GRID2: variants seen among roughly 807,000 people sequenced by gnomAD.
The protein encoded by GRID2 is glutamate receptor ionotropic, delta-2.
In GRID2, 33 loss-of-function variants were observed where a neutral mutation model predicts 114.8. The observed-to-expected ratio is 0.29, with a 90% CI of 0.22 to 0.38. The LOEUF (loss-of-function observed/expected upper bound fraction) is 0.38, where lower values mean the gene tolerates loss of function less well. Ranked by LOEUF, GRID2 falls within the 10% of genes least tolerant of loss-of-function variation. The pLI is 1.00. For missense variants in GRID2, 1,184 were observed against 1,257.7 expected, an observed-to-expected ratio of 0.94 and a Z score of 0.89; for synonymous variants, 505 against 449.9, an observed-to-expected ratio of 1.12 and a Z score of -1.55.
At chr4:93,155,315 A>G (rs919183749) in intron 4 of GRID2, among the ~76,000 whole-genome samples, 1 of 151,920 alleles carries the variant, frequency 6.6e-6, no homozygotes, top group East Asian at 1.9e-4. Flanking sequence ...ATGCCTCTGC[A>G]TATTCTATTG....
intron 8 of GRID2, among the ~76,000 whole-genome samples, chr4:93,315,944 A>T (rs4235046): frequency 0.45 from 68,533 of 151,846 alleles, 15,700 homozygotes; most frequent in East Asian, 0.61. Flanking sequence ...GAATTTATCA[A>T]ATTACCTAAT....
chr4:93,004,013 T>A (rs560220118), intron 2 of GRID2, among the ~76,000 whole-genome samples: 2 of 151,946 alleles, frequency 1.3e-5, no homozygotes, highest in Admixed American at 6.6e-5. Flanking sequence ...ACTATTGATA[T>A]CTTTGCTAAG....
At chr4:93,567,961 C>A (rs551723479) in intron 13 of GRID2, among the ~76,000 whole-genome samples, 5 of 152,340 alleles carry the variant, frequency 3.3e-5, no homozygotes, top group African/African-American at 1.2e-4. Context: ...CTGGCATTCA[C>A]AGAAACGAAG....
chr4:93,691,584 T>A (rs1413186300), intron 14 of GRID2, among the ~76,000 whole-genome samples: 1 of 152,116 alleles, frequency 6.6e-6, no homozygotes, highest in African/African-American at 2.4e-5. Context: ...TATTTTTCAT[T>A]TATAGAATAG....
chr4:93,174,539 G>A, intron 4 of GRID2, among the ~76,000 whole-genome samples: 1 of 152,152 alleles, frequency 6.6e-6, no homozygotes, highest in East Asian at 1.9e-4. Flanking sequence ...CCCCCGATAT[G>A]ACTGTATCTG....
chr4:92,866,805 C>A (rs1461613535), intron 2 of GRID2, among the ~76,000 whole-genome samples: 1 of 152,112 alleles, frequency 6.6e-6, no homozygotes, highest in Non-Finnish European at 1.5e-5. Context: ...CCCACCTCGG[C>A]CTCCCCAAGT....
intron 8 of GRID2, among the ~76,000 whole-genome samples, chr4:93,375,803 A>G (rs560859084): frequency 1.3e-5 from 2 of 152,360 alleles, no homozygotes; most frequent in East Asian, 3.9e-4. Flanking sequence ...TGAATGAAGA[A>G]GAAATGGTAA....
At chr4:93,682,648 G>A (rs543029328) in intron 14 of GRID2, among the ~76,000 whole-genome samples, 1 of 152,058 alleles carries the variant, frequency 6.6e-6, no homozygotes, top group East Asian at 1.9e-4. Context: ...GGATGAAATT[G>A]GAAATCATCA....
At chr4:93,705,655 T>C (rs528628045) in intron 14 of GRID2, among the ~76,000 whole-genome samples, 1 of 152,216 alleles carries the variant, frequency 6.6e-6, no homozygotes, top group Non-Finnish European at 1.5e-5. Flanking sequence ...TTGTTGATTG[T>C]TTACTTTGCC....
intron 8 of GRID2, among the ~76,000 whole-genome samples, chr4:93,327,962 G>C (rs1017032562): frequency 5.9e-5 from 9 of 152,030 alleles, no homozygotes; most frequent in African/African-American, 2.2e-4. Flanking sequence ...TAGGTTAATA[G>C]AAATCCAAGT....
chr4:93,559,115 C>T (rs1008265716), intron 13 of GRID2, among the ~76,000 whole-genome samples: 7 of 151,940 alleles, frequency 4.6e-5, no homozygotes, highest in African/African-American at 1.5e-4. Context: ...TATGACCAAC[C>T]CATAAAACCA....
chr4:92,558,876 T>C (rs951507749), intron 1 of GRID2, among the ~76,000 whole-genome samples: 2 of 152,176 alleles, frequency 1.3e-5, no homozygotes, highest in Non-Finnish European at 2.9e-5. Flanking sequence ...TGATCTCAGA[T>C]ATATTTGTGG....
intron 9 of GRID2, among the ~76,000 whole-genome samples, chr4:93,397,490 C>G (rs1765447538): frequency 6.6e-6 from 1 of 151,946 alleles, no homozygotes; most frequent in Admixed American, 6.6e-5. Flanking sequence ...GAAAGCAAAT[C>G]TTTAAGTCCA....
intron 2 of GRID2, among the ~76,000 whole-genome samples, chr4:92,662,743 A>G (rs369894730): frequency 1.1e-4 from 16 of 151,314 alleles, no homozygotes; most frequent in South Asian, 8.3e-4. Flanking sequence ...TTCCAAATCA[A>G]TTGTTTTCTA....
chr4:93,541,381 G>A (rs1732639571), intron 13 of GRID2, among the ~76,000 whole-genome samples: 1 of 152,048 alleles, frequency 6.6e-6, no homozygotes, highest in Admixed American at 6.6e-5. Context: ...CACTTTTAGG[G>A]TACAAGTGTA....
chr4:92,574,006 A>G (rs1018109978), intron 1 of GRID2, among the ~76,000 whole-genome samples: 1 of 152,174 alleles, frequency 6.6e-6, no homozygotes. Flanking sequence ...GGGTGCATAT[A>G]TATTTAAGAT....
At chr4:92,949,374 A>G (rs543892438) in intron 2 of GRID2, among the ~76,000 whole-genome samples, 92 of 152,200 alleles carry the variant, frequency 6.0e-4, no homozygotes, top group Non-Finnish European at 1.1e-3. Context: ...GGTTAGTTAC[A>G]TATGTATACA....
intron 1 of GRID2, among the ~76,000 whole-genome samples, chr4:92,345,597 A>T (rs1256616835): frequency 6.6e-6 from 1 of 152,204 alleles, no homozygotes; most frequent in African/African-American, 2.4e-5. Context: ...TTAATGGTTA[A>T]ATATTGCAGA....
chr4:93,073,514 G>A (rs1211752217), intron 2 of GRID2, among the ~76,000 whole-genome samples: 1 of 152,152 alleles, frequency 6.6e-6, no homozygotes, highest in Non-Finnish European at 1.5e-5. Context: ...TGATCGTTAA[G>A]TTTTGGGGTA....
Sources: allele counts gnomAD v4.1 joint callset (sites outside exome capture counted in the v4.1 genomes callset), GRCh38; gene constraint gnomAD v4.1.1; transcripts MANE v1.5; gene names NCBI Gene and HGNC (gene_info 2026-07-23, HGNC 2026-07-21).